The following BCAS3 variants were observed in gnomAD, a reference collection of about 807,000 sequenced individuals.
BCAS3 encodes BCAS3 microtubule associated cell migration factor.
A neutral mutation model predicts 116.1 loss-of-function variants in BCAS3; 53 were observed. That is an observed-to-expected ratio of 0.46 (90% CI 0.37 to 0.57). The LOEUF (loss-of-function observed/expected upper bound fraction) is 0.57. Among genes scored for constraint, BCAS3 ranks in the 20% least tolerant of loss-of-function variants. BCAS3 has a pLI of 0.00. For missense variants in BCAS3, 917 were observed against 1,165.4 expected, an observed-to-expected ratio of 0.79 and a Z score of 3.10; for synonymous variants, 391 against 408.2, an observed-to-expected ratio of 0.96 and a Z score of 0.51.
chr17:60,886,104 T>A (rs1419638970), intron 9 of BCAS3, among the ~76,000 whole-genome samples: 1 of 125,750 alleles, frequency 8.0e-6, no homozygotes, highest in Non-Finnish European at 1.6e-5. Context: ...GATTTGGTCT[T>A]TTCACATAGT....
At position 61,028,819 on chromosome 17, in the gene BCAS3, C is replaced by A. The variant is rs1166893885; in HGVS notation, c.1638-5847C>A. Among the ~76,000 whole-genome samples the A allele has an allele frequency of 6.6e-6, 1 of 151,884 alleles. No homozygotes were observed. Among genetic ancestry groups the A allele is most frequent in the Admixed American group, 6.6e-5 (1 of 15,222 alleles). On this transcript the variant is annotated intron_variant, in intron 16 of 23. Coordinates refer to ENST00000407086, the MANE Select transcript of BCAS3 (RefSeq NM_017679.5). This position sits in a 1 kb window ranked among gnomAD's most constrained non-coding sequence, Gnocchi z 4.3. Reference sequence around the variant, plus strand: ...GGTTTGTTTGATGCCATCGTTAGCTCACAAGAAACTCGTTTTTAGTCACTT... The same window carrying A: ...GGTTTGTTTGATGCCATCGTTAGCTAACAAGAAACTCGTTTTTAGTCACTT...
At chr17:60,868,028 T>TC (rs200954940) in intron 7 of BCAS3, among the ~76,000 whole-genome samples, 1 of 135,390 alleles carries the variant, frequency 7.4e-6, no homozygotes, top group East Asian at 4.5e-4. Context: ...TTCTTTCATG[T>TC]TTTTTTTTTT....
intron 19 of BCAS3, among the ~76,000 whole-genome samples, chr17:61,066,772 G>A (rs562969156): frequency 6.6e-6 from 1 of 151,920 alleles, no homozygotes; most frequent in East Asian, 1.9e-4. Flanking sequence ...ATTCTTTTGG[G>A]GGAAAAATTG....
chr17:61,324,739 C>G lies in BCAS3; in HGVS notation c.2426-43588C>G, dbSNP rs1432150497. Among the ~76,000 whole-genome samples, 1 of 150,990 alleles carries G rather than the reference C, an allele frequency of 6.6e-6. No homozygotes were observed. ...TCCAGCCAGGCACGGTAGCTCACTT[C>G]TATAATCTCAGAAGGCGGGAGGATC... On this transcript the variant is annotated intron_variant, in intron 22 of 23. Transcript: ENST00000407086. This position sits in a 1 kb window ranked among gnomAD's most constrained non-coding sequence, Gnocchi z 4.6.
At chr17:60,773,444 C>T (rs763659780) in intron 6 of BCAS3, among the ~76,000 whole-genome samples, 21 of 151,736 alleles carry the variant, frequency 1.4e-4, no homozygotes, top group Middle Eastern at 3.4e-3. Context: ...AGGCAAGCAC[C>T]GCCACATCTG....
chr17:60,849,920 C>T (rs1309564029), intron 7 of BCAS3, among the ~76,000 whole-genome samples: 3 of 152,044 alleles, frequency 2.0e-5, no homozygotes, highest in Admixed American at 2.0e-4. Flanking sequence ...TACCGTGCCT[C>T]GCTGATTTTT....
chr17:61,164,492 C>CA (rs1323783416), intron 22 of BCAS3, among the ~76,000 whole-genome samples: 1 of 151,488 alleles, frequency 6.6e-6, no homozygotes, highest in African/African-American at 2.4e-5. Context: ...CCATCCCTAC[C>CA]AAAAAAAAGT....
At position 60,948,732 on chromosome 17, in the gene BCAS3, G is replaced by A. The variant is rs186984349; in HGVS notation, c.1221+1380G>A. ...TAAGAATATGTTTGAAAAAGTATTA[G>A]GCATTACTCTAGGTTGCTTATTTAC... is the stretch of plus-strand genomic sequence containing the variant. On this transcript the variant is annotated intron_variant, in intron 14 of 23. Transcript: ENST00000407086. Among the ~76,000 whole-genome samples the A allele has an allele frequency of 2.6e-5, 4 of 152,228 alleles. No homozygotes were observed. In the East Asian group the frequency reaches 7.7e-4, roughly 29 times the overall value.
In BCAS3 at chr17:61,338,534, T is replaced by G. The variant is rs577223303; in HGVS notation, c.2426-29793T>G. On this transcript the variant is annotated intron_variant, in intron 22 of 23. Coordinates refer to ENST00000407086, the MANE Select transcript of BCAS3 (RefSeq NM_017679.5). Reference sequence around the variant, plus strand: ...ATTGGATTCTTCCATATGGAAGTGTTTCTTTAACTTTTTAATCATTTCTTT... The same window carrying G: ...ATTGGATTCTTCCATATGGAAGTGTGTCTTTAACTTTTTAATCATTTCTTT... 2.0e-5 allele frequency among the ~76,000 whole-genome samples: 3 copies of G among 152,282 alleles called. No individual in the cohort carries two copies. The East Asian group carries it at 5.8e-4, about 29-fold the overall frequency.
intron 22 of BCAS3, among the ~76,000 whole-genome samples, chr17:61,271,497 C>T (rs1406844425): frequency 2.2e-5 from 3 of 136,424 alleles, no homozygotes; most frequent in East Asian, 2.3e-4. Context: ...GATCTTGGCT[C>T]ACTGCAACCT....
At chr17:60,984,205 G>T (rs1041274443) in intron 14 of BCAS3, among the ~76,000 whole-genome samples, 1 of 152,160 alleles carries the variant, frequency 6.6e-6, no homozygotes, top group African/African-American at 2.4e-5. Context: ...GATGATGTTT[G>T]TGTAGCAGTT....
At chr17:60,812,190 T>C (rs548427778) in intron 7 of BCAS3, among the ~76,000 whole-genome samples, 1 of 152,368 alleles carries the variant, frequency 6.6e-6, no homozygotes, top group East Asian at 1.9e-4. Flanking sequence ...GTAGACTCTT[T>C]AGTAGCTACT....
Position 61,077,516 on chromosome 17 carries a change from CA to C in BCAS3, c.2131-807del, listed in dbSNP as rs898097843. Among the ~76,000 whole-genome samples, 41 of 146,128 alleles carry C rather than the reference CA, an allele frequency of 2.8e-4. No homozygotes were observed. The highest frequency in any genetic ancestry group is 5.1e-4 in the Non-Finnish European group (34 of 66,252). ...TGGGCAACAGAGCGAGACTCCGTCTCAAAAAAAAAATGAAATAAAATAAATA... is the reference window on the plus strand; with the variant it reads ...TGGGCAACAGAGCGAGACTCCGTCTCAAAAAAAAATGAAATAAAATAAATA... On this transcript the variant is annotated intron_variant, in intron 20 of 23. Coordinates refer to ENST00000407086, the MANE Select transcript of BCAS3 (RefSeq NM_017679.5). The surrounding 1 kb of genome is among the most constrained non-coding windows in gnomAD (Gnocchi z 4.3).
At chr17:60,810,395 T>C (rs2048695450) in intron 7 of BCAS3, 1 of 481,180 alleles carries the variant, frequency 2.1e-6, no homozygotes, top group African/African-American at 2.0e-5. Context: ...CTGAGAGGCA[T>C]CCAGAATGAG....
rs540051298 is a variant in BCAS3, at chr17:61,038,676, T to G, written c.1928+622T>G. 3.4e-3 allele frequency among the ~76,000 whole-genome samples: 468 copies of G among 135,946 alleles called. 3 individuals are homozygous for G. Among genetic ancestry groups the G allele is most frequent in the African/African-American group, 0.014 (443 of 31,492 alleles). 89.2% of individuals were successfully genotyped at this position (135,946 alleles called of 152,430 possible). ...GTTTTGTTTTTGTTTTTGTTTTTTT[T>G]TTTTTTTTTTTGGAGACAGTCTCGC... On this transcript the variant is annotated intron_variant, in intron 18 of 23. Transcript: ENST00000407086.
At chr17:60,910,497 A>C (rs762129430) in intron 11 of BCAS3, 35 bp from the exon 12 acceptor site, 26 of 1,514,790 alleles carry the variant, frequency 1.7e-5, no homozygotes, top group Non-Finnish European at 2.3e-5. Flanking sequence ...CCAAATACTG[A>C]TGTGAAGTCA....
rs745770443 is a variant in BCAS3, at chr17:60,967,124, T to A, written c.1221+19772T>A. 6.6e-6 allele frequency among the ~76,000 whole-genome samples: 1 copy of A among 152,230 alleles called. No homozygotes were observed. The highest frequency in any genetic ancestry group is 1.5e-5 in the Non-Finnish European group (1 of 68,038). Reference sequence around the variant, plus strand: ...ATAGAGTATTTTGTGTTTCACCATGTACTTTTTACCAGTGGGTTTTATACC... The same window carrying A: ...ATAGAGTATTTTGTGTTTCACCATGAACTTTTTACCAGTGGGTTTTATACC... On this transcript the variant is annotated intron_variant, in intron 14 of 23. Transcript: ENST00000407086. The surrounding 1 kb of genome is among the most constrained non-coding windows in gnomAD (Gnocchi z 4.7).
chr17:60,910,088 TC>T (rs1285593802), intron 11 of BCAS3, among the ~76,000 whole-genome samples: 1 of 152,212 alleles, frequency 6.6e-6, no homozygotes, highest in Non-Finnish European at 1.5e-5. Flanking sequence ...TACCAGTGTC[TC>T]AGTCTTTTTC....
intron 6 of BCAS3, among the ~76,000 whole-genome samples, chr17:60,789,751 G>A (rs1345001563): frequency 1.3e-5 from 2 of 152,132 alleles, no homozygotes; most frequent in Non-Finnish European, 2.9e-5. Flanking sequence ...TATGTTATGG[G>A]AGGGTGATGA....
Sources: allele counts gnomAD v4.1 joint callset (sites outside exome capture counted in the v4.1 genomes callset), GRCh38; gene constraint gnomAD v4.1.1; non-coding constraint Gnocchi (gnomAD v3.1); transcripts MANE v1.5; gene names NCBI Gene and HGNC (gene_info 2026-07-23, HGNC 2026-07-21).